The following CREBRF variants were observed in gnomAD, a reference collection of about 807,000 sequenced individuals.
CREBRF encodes CREB3 regulatory factor.
Under a neutral mutation model 66.1 loss-of-function variants are expected in CREBRF, and 5 were observed. That is an observed-to-expected ratio of 0.08 (90% CI 0.04 to 0.16). The LOEUF (loss-of-function observed/expected upper bound fraction) is 0.16. Ranked by LOEUF, CREBRF falls within the 10% of genes least tolerant of loss-of-function variation. CREBRF has a pLI of 1.00. For synonymous variants in CREBRF, 229 were observed against 264.4 expected (o/e 0.87, Z 1.30); for missense variants, 531 against 744.9 (o/e 0.71, Z 3.34).
At chr5:173,082,015 T>TTTTTTTTTTTTGTTTG (rs1561798870) in intron 2 of CREBRF, among the ~76,000 whole-genome samples, 2 of 126,828 alleles carry the variant, frequency 1.6e-5, no homozygotes, top group Admixed American at 7.9e-5. Flanking sequence ...TTTTTTTTTT[T>TTTTTTTTTTTTGTTTG]TTTTTTTTTT....
Position 173,082,003 on chromosome 5 carries a change from GTTTTTTTTTTTTTT to G in CREBRF, c.9+1234_9+1247del, listed in dbSNP as rs869148787. On this transcript the variant is annotated intron_variant, in intron 2 of 8. Coordinates refer to ENST00000296953, the MANE Select transcript of CREBRF (RefSeq NM_153607.3). ...AGAGTGGTTGCCCATTCAAGGTTTA[GTTTTTTTTTTTTTT>G]TTTTTTTTTTTTTTGAGCTGGAGTC... 2.3e-4 allele frequency among the ~76,000 whole-genome samples: 18 copies of G among 78,078 alleles called. 1 individual carries two copies. The highest frequency in any genetic ancestry group is 2.0e-3 in the East Asian group (6 of 3,014). The allele number at this position is 78,078 out of a possible 152,430, so 51.2% of individuals were successfully genotyped here.
chr5:173,099,449 C>A (rs1431980102), intron 4 of CREBRF, among the ~76,000 whole-genome samples: 1 of 152,142 alleles, frequency 6.6e-6, no homozygotes, highest in Non-Finnish European at 1.5e-5. Context: ...AGCCACTATG[C>A]CTGGCTATAT....
intron 1 of CREBRF, among the ~76,000 whole-genome samples, chr5:173,069,037 A>T (rs971095953): frequency 1.3e-5 from 2 of 151,642 alleles, no homozygotes; most frequent in Non-Finnish European, 2.9e-5. Flanking sequence ...ACGCCACTGC[A>T]CTCCAGCCTG....
chr5:173,119,065 T>C (rs1171562322), intron 7 of CREBRF, among the ~76,000 whole-genome samples: 1 of 152,146 alleles, frequency 6.6e-6, no homozygotes, highest in Non-Finnish European at 1.5e-5. Context: ...TACAGAACTG[T>C]CTTGATTACT....
intron 4 of CREBRF, among the ~76,000 whole-genome samples, chr5:173,101,594 C>T (rs1464846916): frequency 6.6e-6 from 1 of 151,826 alleles, no homozygotes; most frequent in Non-Finnish European, 1.5e-5. Flanking sequence ...ACTCTGTCGC[C>T]CAGGCTGGAG....
chr5:173,110,097 C>T (rs1031050218), intron 5 of CREBRF: 5 of 229,700 alleles, frequency 2.2e-5, no homozygotes, highest in Admixed American at 5.1e-5. Context: ...AGTTTTCAGA[C>T]GTAGCATCAG....
intron 1 of CREBRF, among the ~76,000 whole-genome samples, chr5:173,071,028 A>T (rs1757586015): frequency 6.6e-6 from 1 of 152,144 alleles, no homozygotes; most frequent in African/African-American, 2.4e-5. Context: ...GCAAGGGAAT[A>T]GGAGAGAAGA....
Position 173,079,440 on chromosome 5 carries a change from G to A in CREBRF, c.-191-1145G>A, listed in dbSNP as rs563658316. On this transcript the variant is annotated intron_variant, in intron 1 of 8. Coordinates refer to ENST00000296953, the MANE Select transcript of CREBRF (RefSeq NM_153607.3). ...ATTGGGCCACTGCATTCCAGCCTGG[G>A]TGACAGAGTGAGACTCTGTCTTTTT... Among the ~76,000 whole-genome samples, 10 of 150,254 alleles carry A rather than the reference G, an allele frequency of 6.7e-5. No homozygotes were observed. In the East Asian group the frequency reaches 2.0e-3, roughly 29 times the overall value.
chr5:173,085,398 A>G (rs1291919344), intron 2 of CREBRF: 17 of 1,026,970 alleles, frequency 1.7e-5, no homozygotes, highest in Non-Finnish European at 2.3e-5. Flanking sequence ...CCAATATTGT[A>G]TCGTCAAATA....
chr5:173,088,243 A>C, intron 3 of CREBRF, among the ~76,000 whole-genome samples: 1 of 136,396 alleles, frequency 7.3e-6, no homozygotes. Flanking sequence ...ATATTGCTTC[A>C]TCAAATACAT....
At chr5:173,115,014 G>A (rs562384369) in intron 7 of CREBRF, among the ~76,000 whole-genome samples, 46 of 152,154 alleles carry the variant, frequency 3.0e-4, no homozygotes, top group Non-Finnish European at 4.6e-4. Context: ...TCCCTGCCCC[G>A]TAATGTGTTT....
chr5:173,110,558 T>C lies in CREBRF; in HGVS notation c.1454T>C (p.Val485Ala), dbSNP rs1232583996. Residue 485 changes from valine (V) to alanine (A), a missense_variant, in exon 6 of 9, where the codon GTA (valine) becomes GCA (alanine). By Grantham distance (64) the Val-to-Ala change is moderately conservative. Coordinates refer to ENST00000296953, the MANE Select transcript of CREBRF (RefSeq NM_153607.3). Reference sequence around the variant, plus strand: ...GTAAAGAAGTCACGGAGAACTGATGTAGAAGACCTGACTCCAAATCCTAAA... The same window carrying C: ...GTAAAGAAGTCACGGAGAACTGATGCAGAAGACCTGACTCCAAATCCTAAA... ...YAVKKSRRTD[V>A]EDLTPNPKKL... is the part of the protein sequence containing the mutation. The C allele has an allele frequency of 1.2e-6, 2 of 1,613,862 alleles. No individual in the cohort carries two copies. Among genetic ancestry groups the C allele is most frequent in the South Asian group, 1.1e-5 (1 of 91,070 alleles).
At chr5:173,102,571 G>A (rs1758652469) in intron 4 of CREBRF, among the ~76,000 whole-genome samples, 1 of 152,150 alleles carries the variant, frequency 6.6e-6, no homozygotes, top group African/African-American at 2.4e-5. Context: ...ATCATTTGGG[G>A]TCAGTCTGAA....
chr5:173,059,012 T>C, intron 1 of CREBRF, among the ~76,000 whole-genome samples: 1 of 151,476 alleles, frequency 6.6e-6, no homozygotes, highest in Non-Finnish European at 1.5e-5. Flanking sequence ...CTGGTCAGGC[T>C]GGTCTCGAAC....
Position 173,060,936 on chromosome 5 carries a change from C to T in CREBRF, c.-192+4457C>T, listed in dbSNP as rs558001813. On this transcript the variant is annotated intron_variant, in intron 1 of 8. Transcript: ENST00000296953. The stretch of plus-strand genomic sequence containing the variant: ...TGCTTCCACGGCTATAGTTTGTCAG[C>T]CCCTGTTGTAAGACATCAGTCATTG... 1.2e-4 allele frequency among the ~76,000 whole-genome samples: 18 copies of T among 152,210 alleles called. No individual in the cohort carries two copies. In the South Asian group the frequency reaches 3.7e-3, roughly 32 times the overall value.
rs770860502 is a variant in CREBRF, at chr5:173,091,169, GAAA to G, written c.994_996del (p.Lys332del). The G allele has an allele frequency of 2.1e-4, 331 of 1,614,030 alleles. No individual in the cohort carries two copies. Among genetic ancestry groups the G allele is most frequent in the Non-Finnish European group, 2.5e-4 (292 of 1,180,032 alleles). ...GTACATCAGTCTCAGATTCATCCCA[GAAA>G]AAAGAAGAGCACAATTATTCTCTTT... is the stretch of plus-strand genomic sequence containing the variant. On this transcript the variant is annotated inframe_deletion, in exon 4 of 9. Coordinates refer to ENST00000296953, the MANE Select transcript of CREBRF (RefSeq NM_153607.3).
At chr5:173,122,990 G>T in intron 7 of CREBRF, 90 bp from the exon 8 acceptor site, 1 of 1,277,644 alleles carries the variant, frequency 7.8e-7, no homozygotes, top group Non-Finnish European at 1.1e-6. Context: ...TCTTAATCCA[G>T]TCCATTTCTT....
At chr5:173,128,867 G>T (rs1358906895) in intron 8 of CREBRF, among the ~76,000 whole-genome samples, 1 of 144,630 alleles carries the variant, frequency 6.9e-6, no homozygotes, top group Non-Finnish European at 1.5e-5. Context: ...CTTATGCTCC[G>T]CCTCCCGGGC....
intron 1 of CREBRF, among the ~76,000 whole-genome samples, chr5:173,076,749 CAAAAAAAAA>C (rs1202344075): frequency 2.2e-5 from 2 of 92,422 alleles, no homozygotes; most frequent in Non-Finnish European, 4.5e-5. Context: ...CAGTCAGTCT[CAAAAAAAAA>C]AAAAAAAAAA....
Sources: gnomAD v4.1 joint callset for allele counts (sites outside exome capture counted in the v4.1 genomes callset) on GRCh38, gnomAD v4.1.1 for gene constraint, MANE v1.5 for transcripts, NCBI Gene and HGNC (gene_info 2026-07-23, HGNC 2026-07-21) for gene names.